The following SLC2A13 variants were observed in gnomAD, a reference collection of about 807,000 sequenced individuals.
SLC2A13 encodes the protein solute carrier family 2 member 13.
SLC2A13 carries 32 observed loss-of-function variants against 64.4 expected under a neutral mutation model. That is an observed-to-expected ratio of 0.50 (90% confidence interval 0.37 to 0.67). The LOEUF (loss-of-function observed/expected upper bound fraction) is 0.67, where lower values mean the gene tolerates loss of function less well. Ranked by LOEUF, SLC2A13 falls within the 30% of genes least tolerant of loss-of-function variation. The pLI is 0.00. For synonymous variants in SLC2A13, 338 were observed against 327.1 expected, an observed-to-expected ratio of 1.03 and a Z score of -0.36; for missense variants, 743 against 829.2, an observed-to-expected ratio of 0.90 and a Z score of 1.28.
intron 3 of SLC2A13, among the ~76,000 whole-genome samples, chr12:40,013,858 A>G (rs1045053492): frequency 3.3e-5 from 5 of 152,232 alleles, no homozygotes; most frequent in African/African-American, 1.2e-4. Context: ...AAGAGACTAA[A>G]TACTTGGGGG....
At chr12:39,877,748 A>G (rs1944226376) in intron 4 of SLC2A13, among the ~76,000 whole-genome samples, 1 of 152,236 alleles carries the variant, frequency 6.6e-6, no homozygotes, top group South Asian at 2.1e-4. Context: ...GGTTACCACT[A>G]TATTTACAAT....
chr12:39,829,373 A>G (rs1056495644), intron 7 of SLC2A13: 1 of 143,926 alleles, frequency 6.9e-6, no homozygotes, highest in Non-Finnish European at 1.5e-5. Flanking sequence ...CCATAAAAGA[A>G]TGTAATGTGA....
At chr12:39,846,970 A>G (rs1311418608) in intron 6 of SLC2A13, among the ~76,000 whole-genome samples, 1 of 152,210 alleles carries the variant, frequency 6.6e-6, no homozygotes, top group Non-Finnish European at 1.5e-5. Flanking sequence ...TTGAACAAAC[A>G]CAACAAAAGG....
intron 7 of SLC2A13, 24 bp from the exon 8 acceptor site, chr12:39,764,882 A>G: frequency 6.2e-7 from 1 of 1,604,748 alleles, no homozygotes; most frequent in Non-Finnish European, 8.5e-7. Flanking sequence ...CAATATAAGT[A>G]TTAACTTAAT....
chr12:40,014,864 CA>C (rs549418407), intron 3 of SLC2A13, among the ~76,000 whole-genome samples: 28 of 152,294 alleles, frequency 1.8e-4, no homozygotes, highest in African/African-American at 6.5e-4. Flanking sequence ...TAGATCCAGC[CA>C]ATTTTTATTT....
intron 1 of SLC2A13, among the ~76,000 whole-genome samples, chr12:40,062,314 G>A (rs1948435770): frequency 6.6e-6 from 1 of 151,640 alleles, no homozygotes; most frequent in African/African-American, 2.4e-5. Context: ...ATAGTCCCCT[G>A]AGCAGAAATC....
intron 7 of SLC2A13, among the ~76,000 whole-genome samples, chr12:39,774,778 T>C (rs571375980): frequency 6.6e-6 from 1 of 152,328 alleles, no homozygotes; most frequent in East Asian, 1.9e-4. Context: ...TTTTCCTGAA[T>C]AAAATATTAT....
intron 9 of SLC2A13, among the ~76,000 whole-genome samples, chr12:39,764,218 G>A (rs977037564): frequency 7.2e-5 from 11 of 152,028 alleles, no homozygotes; most frequent in Non-Finnish European, 1.6e-4. Context: ...TGAGTTGGGA[G>A]AGGGGTTGGG....
intron 7 of SLC2A13, among the ~76,000 whole-genome samples, chr12:39,816,219 A>G (rs1942336035): frequency 6.6e-6 from 1 of 152,106 alleles, no homozygotes; most frequent in African/African-American, 2.4e-5. Context: ...ACAGGTACTG[A>G]TGTGCTACAG....
intron 7 of SLC2A13, among the ~76,000 whole-genome samples, chr12:39,781,399 C>T (rs1940977420): frequency 6.6e-6 from 1 of 152,210 alleles, no homozygotes; most frequent in Admixed American, 6.5e-5. Context: ...CTGCCCCCTC[C>T]AGCCTTCCAC....
At chr12:39,782,953 G>T (rs1482536360) in intron 7 of SLC2A13, among the ~76,000 whole-genome samples, 4 of 152,102 alleles carry the variant, frequency 2.6e-5, no homozygotes, top group Admixed American at 2.6e-4. Flanking sequence ...CATGTGCCAT[G>T]TTGGTGTGCT....
chr12:40,062,341 A>G (rs1054388309), intron 1 of SLC2A13, among the ~76,000 whole-genome samples: 3 of 150,100 alleles, frequency 2.0e-5, no homozygotes, highest in Non-Finnish European at 4.4e-5. Context: ...ATTATTCATG[A>G]AAAAAACTAA....
chr12:39,771,585 G>T lies in SLC2A13; in HGVS notation c.1446-6727C>A, dbSNP rs116526081. On this transcript the variant is annotated intron_variant, in intron 7 of 9. Transcript: ENST00000280871. ...GTCTGTGCATTGATTGTAGGCTTGT[G>T]AGGCCCTAAGCAGAGGACACACCTA... Among the ~76,000 whole-genome samples, 1,292 of 152,230 alleles carry T rather than the reference G, an allele frequency of 8.5e-3. 19 individuals are homozygous for T. Among genetic ancestry groups the T allele is most frequent in the African/African-American group, 0.03 (1,234 of 41,540 alleles).
chr12:39,782,738 C>A (rs1346711539), intron 7 of SLC2A13, among the ~76,000 whole-genome samples: 1 of 152,000 alleles, frequency 6.6e-6, no homozygotes, highest in Non-Finnish European at 1.5e-5. Flanking sequence ...TTTGGAACAT[C>A]CTAAAGACAT....
intron 2 of SLC2A13, among the ~76,000 whole-genome samples, chr12:40,040,851 G>C (rs762298056): frequency 2.0e-5 from 3 of 152,120 alleles, no homozygotes; most frequent in Non-Finnish European, 4.4e-5. Flanking sequence ...CTATTAGCAC[G>C]AAATTTTAAG....
intron 3 of SLC2A13, among the ~76,000 whole-genome samples, chr12:40,027,756 G>A (rs1354425729): frequency 6.6e-6 from 1 of 152,202 alleles, no homozygotes; most frequent in East Asian, 1.9e-4. Flanking sequence ...ATCTTGAAAT[G>A]TCTACCTTTT....
chr12:39,975,533 G>A (rs545589919), intron 3 of SLC2A13, among the ~76,000 whole-genome samples: 6 of 152,082 alleles, frequency 3.9e-5, no homozygotes, highest in Non-Finnish European at 8.8e-5. Context: ...ATTTCTCCAT[G>A]GCAAGCCCCA....
intron 7 of SLC2A13, among the ~76,000 whole-genome samples, chr12:39,805,630 T>C (rs1015052059): frequency 7.5e-4 from 114 of 152,294 alleles, no homozygotes; most frequent in African/African-American, 2.7e-3. Context: ...GGAGAAGTTG[T>C]AAATACTGCT....
At chr12:40,021,834 G>C (rs766800469) in intron 3 of SLC2A13, among the ~76,000 whole-genome samples, 1 of 152,126 alleles carries the variant, frequency 6.6e-6, no homozygotes, top group Non-Finnish European at 1.5e-5. Context: ...ACGAGTATTT[G>C]ACTGCAGTGT....
Sources: allele counts gnomAD v4.1 joint callset (sites outside exome capture counted in the v4.1 genomes callset), GRCh38; gene constraint gnomAD v4.1.1; transcripts MANE v1.5; gene names NCBI Gene and HGNC (gene_info 2026-07-23, HGNC 2026-07-21).